Variants in MYO5B observed in about 807,000 individuals in gnomAD.
MYO5B encodes unconventional myosin-Vb.
In MYO5B, 143 loss-of-function variants were observed where a neutral mutation model predicts 229.3. The observed-to-expected ratio is 0.62, with a 90% CI of 0.54 to 0.72. The LOEUF (loss-of-function observed/expected upper bound fraction) is 0.72, where lower values mean the gene tolerates loss of function less well. MYO5B is among the 30% of genes least tolerant of loss of function. MYO5B has a pLI of 0.00. For synonymous variants in MYO5B, 918 were observed against 885.2 expected (o/e 1.04, Z -0.66); for missense variants, 2,321 against 2,331.0 (o/e 1.00, Z 0.09).
intron 4 of MYO5B, among the ~76,000 whole-genome samples, chr18:50,031,561 A>G (rs2026390283): frequency 6.6e-6 from 1 of 152,202 alleles, no homozygotes; most frequent in South Asian, 2.1e-4. Flanking sequence ...TGTGCCACAA[A>G]GTCTCACACT....
At chr18:50,089,712 G>A (rs1391535445) in intron 1 of MYO5B, among the ~76,000 whole-genome samples, 5 of 152,102 alleles carry the variant, frequency 3.3e-5, no homozygotes, top group African/African-American at 7.2e-5. Context: ...TGTTTTTAAC[G>A]CTGCTCTGCA....
At chr18:50,043,485 ATAT>A (rs1310730445) in intron 2 of MYO5B, among the ~76,000 whole-genome samples, 3 of 86,558 alleles carry the variant, frequency 3.5e-5, no homozygotes, top group Non-Finnish European at 6.8e-5. Flanking sequence ...ATATATAAAT[ATAT>A]TTTTATATAT....
chr18:49,899,645 T>C (rs1316124840), intron 21 of MYO5B, among the ~76,000 whole-genome samples: 2 of 152,240 alleles, frequency 1.3e-5, no homozygotes, highest in Non-Finnish European at 2.9e-5. Flanking sequence ...TCAAGCTACT[T>C]AACCTCTGTG....
chr18:50,091,077 C>A (rs1161880108), intron 1 of MYO5B, among the ~76,000 whole-genome samples: 2 of 152,100 alleles, frequency 1.3e-5, no homozygotes, highest in Non-Finnish European at 2.9e-5. Flanking sequence ...GAGAATTCCC[C>A]CAGTTAGTGG....
intron 1 of MYO5B, among the ~76,000 whole-genome samples, chr18:50,060,814 A>C (rs2030668549): frequency 6.6e-6 from 1 of 152,186 alleles, no homozygotes; most frequent in East Asian, 1.9e-4. Flanking sequence ...GCTTTCACAA[A>C]TTCCCATTGC....
chr18:49,891,092 G>A (rs185696676), intron 22 of MYO5B, among the ~76,000 whole-genome samples: 23 of 152,094 alleles, frequency 1.5e-4, no homozygotes, highest in Non-Finnish European at 2.4e-4. Context: ...TGACCTGGCC[G>A]CACTGTGCTC....
intron 1 of MYO5B, among the ~76,000 whole-genome samples, chr18:50,170,862 A>G (rs556975547): frequency 7.8e-6 from 1 of 128,562 alleles, no homozygotes; most frequent in South Asian, 2.7e-4. Context: ...AAACAGGAAA[A>G]GAGACATTTT....
intron 1 of MYO5B, among the ~76,000 whole-genome samples, chr18:50,180,881 T>A (rs971547762): frequency 4.6e-5 from 7 of 152,234 alleles, no homozygotes; most frequent in African/African-American, 1.4e-4. Flanking sequence ...TATCCCACTG[T>A]GTGGGCAGAC....
At chr18:50,156,740 A>G (rs1235048228) in intron 1 of MYO5B, among the ~76,000 whole-genome samples, 5 of 152,226 alleles carry the variant, frequency 3.3e-5, no homozygotes, top group Non-Finnish European at 7.3e-5. Flanking sequence ...ACATTCTAGG[A>G]AAGAATTTTA....
In MYO5B at chr18:49,847,162, G is replaced by T. The variant is rs761106859; in HGVS notation, c.4443C>A (p.Ile1481=). The T allele has an allele frequency of 9.9e-6, 16 of 1,614,056 alleles. No individual in the cohort carries two copies. The African/African-American group carries it at 1.9e-4, about 19-fold the overall frequency. The change falls in exon 33 of 40, where the codon ATC becomes ATA. Residue 1481 remains isoleucine (I), a synonymous_variant. Coordinates refer to ENST00000285039, the MANE Select transcript of MYO5B (RefSeq NM_001080467.3). ...GGTCCTTACCTGTCACCAGGTTCCGGATGAGGAGGGCCTCGTCCTCTTTGT... is the reference window on the plus strand; with the variant it reads ...GGTCCTTACCTGTCACCAGGTTCCGTATGAGGAGGGCCTCGTCCTCTTTGT... ...EYHKEDEALL[I]RNLVTDLKPQ...
At chr18:49,991,690 G>A (rs2025934459) in intron 6 of MYO5B, among the ~76,000 whole-genome samples, 1 of 152,190 alleles carries the variant, frequency 6.6e-6, no homozygotes, top group African/African-American at 2.4e-5. Flanking sequence ...GGAAGGCTAG[G>A]GGAGGGATAG....
At chr18:50,128,241 A>G (rs1194602936) in intron 1 of MYO5B, among the ~76,000 whole-genome samples, 1 of 152,126 alleles carries the variant, frequency 6.6e-6, no homozygotes, top group Admixed American at 6.5e-5. Flanking sequence ...CAGAAGTCTA[A>G]GAAATTGAAT....
chr18:50,027,497 G>A (rs1334460416), intron 4 of MYO5B, among the ~76,000 whole-genome samples: 5 of 152,170 alleles, frequency 3.3e-5, no homozygotes, highest in African/African-American at 9.7e-5. Flanking sequence ...AGCTTGACCC[G>A]GGTGAAGCTA....
At chr18:49,870,186 G>A (rs1386628638) in intron 27 of MYO5B, among the ~76,000 whole-genome samples, 1 of 152,214 alleles carries the variant, frequency 6.6e-6, no homozygotes, top group African/African-American at 2.4e-5. Flanking sequence ...TATGCCATCT[G>A]TGTGGCCCTG....
intron 1 of MYO5B, among the ~76,000 whole-genome samples, chr18:50,087,754 G>T (rs72917844): frequency 2.0e-5 from 3 of 151,958 alleles, no homozygotes; most frequent in Non-Finnish European, 4.4e-5. Context: ...AGCCCAGAGC[G>T]TTCACTGGAG....
At chr18:50,053,584 G>A (rs373133774) in intron 2 of MYO5B, among the ~76,000 whole-genome samples, 2 of 152,116 alleles carry the variant, frequency 1.3e-5, no homozygotes, top group African/African-American at 4.8e-5. Flanking sequence ...AATTCCATCT[G>A]TTGGGAGTTG....
At chr18:50,096,860 C>T (rs2031561533) in intron 1 of MYO5B, among the ~76,000 whole-genome samples, 2 of 152,178 alleles carry the variant, frequency 1.3e-5, no homozygotes, top group African/African-American at 2.4e-5. Context: ...ATGCTGGCTC[C>T]TCAGCATGGC....
chr18:50,027,268 G>A (rs10502905), intron 4 of MYO5B, among the ~76,000 whole-genome samples: 109,050 of 152,094 alleles, frequency 0.72, 40,346 homozygotes, highest in Admixed American at 0.81. Context: ...AATCCATGTA[G>A]GGTGACAAGT....
chr18:50,123,661 C>A (rs1447416871), intron 1 of MYO5B, among the ~76,000 whole-genome samples: 1 of 152,144 alleles, frequency 6.6e-6, no homozygotes, highest in Non-Finnish European at 1.5e-5. Flanking sequence ...AAGCCATGAT[C>A]GTACCACTGC....
Sources: allele counts gnomAD v4.1 joint callset (sites outside exome capture counted in the v4.1 genomes callset), GRCh38; gene constraint gnomAD v4.1.1; transcripts MANE v1.5; gene names NCBI Gene and HGNC (gene_info 2026-07-23, HGNC 2026-07-21).